ADCY5: variants seen among roughly 807,000 people sequenced by gnomAD.
ADCY5 encodes the protein adenylate cyclase 5.
A neutral mutation model predicts 119.7 loss-of-function variants in ADCY5; 30 were observed. The ratio of observed to expected loss-of-function variants is 0.25; its 90% confidence interval spans 0.19 to 0.34. The LOEUF is 0.34. Ranked by LOEUF, ADCY5 falls within the 10% of genes least tolerant of loss-of-function variation. ADCY5 has a pLI of 1.00. For missense variants in ADCY5, 1,324 were observed against 1,775.2 expected (o/e 0.75, Z 4.57); for synonymous variants, 753 against 762.2 (o/e 0.99, Z 0.20).
chr3:123,351,439 A>C (rs993706704), intron 2 of ADCY5, among the ~76,000 whole-genome samples: 1 of 152,212 alleles, frequency 6.6e-6, no homozygotes, highest in Non-Finnish European at 1.5e-5. Flanking sequence ...TTCCATGTTC[A>C]TATCAGCCAT....
intron 1 of ADCY5, among the ~76,000 whole-genome samples, chr3:123,379,803 C>T (rs1181992906): frequency 6.6e-6 from 1 of 152,186 alleles, no homozygotes; most frequent in Non-Finnish European, 1.5e-5. Flanking sequence ...GTGAACAGCA[C>T]AGACTCCAGC....
chr3:123,368,139 T>G, intron 1 of ADCY5: 2 of 1,104,354 alleles, frequency 1.8e-6, no homozygotes, highest in Non-Finnish European at 2.5e-6. Flanking sequence ...GAGCCAGTCA[T>G]GCAACCTACA....
intron 15 of ADCY5, 68 bp from the exon 16 acceptor site, chr3:123,297,450 C>T (rs1166831894): frequency 6.5e-7 from 1 of 1,530,238 alleles, no homozygotes; most frequent in East Asian, 2.2e-5. Context: ...CACTCCTGCT[C>T]AGCCCCCACG....
chr3:123,400,046 A>T (rs564273285), intron 1 of ADCY5, among the ~76,000 whole-genome samples: 1 of 152,222 alleles, frequency 6.6e-6, no homozygotes, highest in Admixed American at 6.5e-5. Context: ...CGCAGCAGTT[A>T]CATGTTCTCT....
intron 7 of ADCY5, 60 bp from the exon 8 acceptor site, chr3:123,325,522 C>T: frequency 5.6e-6 from 9 of 1,601,986 alleles, no homozygotes; most frequent in Non-Finnish European, 6.8e-6. Context: ...GCTCCTCACC[C>T]TTCCCCAAAC....
At chr3:123,427,326 C>T (rs1219022247) in intron 1 of ADCY5, among the ~76,000 whole-genome samples, 2 of 152,180 alleles carry the variant, frequency 1.3e-5, no homozygotes, top group African/African-American at 2.4e-5. Flanking sequence ...CTAGAAATCT[C>T]CTTTCCCTCC....
At chr3:123,437,446 C>T (rs1249940495) in intron 1 of ADCY5, among the ~76,000 whole-genome samples, 1 of 152,138 alleles carries the variant, frequency 6.6e-6, no homozygotes, top group African/African-American at 2.4e-5. Context: ...GGGCAGGGTG[C>T]TGAACCATCT....
rs372044853 is a variant in ADCY5 at position 123,343,198 on chromosome 3, CAGA to C, written c.1406+4581_1406+4583del. Among the ~76,000 whole-genome samples the C allele has an allele frequency of 7.2e-5, 11 of 152,300 alleles. No homozygotes were observed. The East Asian group carries it at 1.9e-3, about 27-fold the overall frequency. Reference sequence around the variant, plus strand: ...ATTCATTGCTTAGTGTCTTCTCTAACAGAAGATGAGCTTCATGATGCCAGTGAT... The same window carrying C: ...ATTCATTGCTTAGTGTCTTCTCTAACAGATGAGCTTCATGATGCCAGTGAT... On this transcript the variant is annotated intron_variant, in intron 3 of 20. Coordinates refer to ENST00000462833, the MANE Select transcript of ADCY5 (RefSeq NM_183357.3).
chr3:123,442,991 C>T (rs1303373775), intron 1 of ADCY5, among the ~76,000 whole-genome samples: 1 of 152,236 alleles, frequency 6.6e-6, no homozygotes, highest in Non-Finnish European at 1.5e-5. Flanking sequence ...CACTGAATTT[C>T]TCCTATCCAG....
chr3:123,297,862 A>G (rs1038777632), intron 15 of ADCY5, among the ~76,000 whole-genome samples: 1 of 152,192 alleles, frequency 6.6e-6, no homozygotes, highest in Non-Finnish European at 1.5e-5. Flanking sequence ...AAGGTAAAAT[A>G]TTTCATTAAG....
intron 1 of ADCY5, among the ~76,000 whole-genome samples, chr3:123,406,507 C>A (rs1206028939): frequency 6.6e-6 from 1 of 152,228 alleles, no homozygotes; most frequent in Non-Finnish European, 1.5e-5. Context: ...GCTCCCCAGG[C>A]AGTCACAGAG....
At chr3:123,409,847 T>G (rs1944997416) in intron 1 of ADCY5, among the ~76,000 whole-genome samples, 1 of 152,164 alleles carries the variant, frequency 6.6e-6, no homozygotes, top group South Asian at 2.1e-4. Flanking sequence ...CAAGCCCCAG[T>G]TGGATGAGCT....
intron 7 of ADCY5, among the ~76,000 whole-genome samples, chr3:123,325,685 G>A (rs1576576433): frequency 6.6e-6 from 1 of 152,240 alleles, no homozygotes; most frequent in Admixed American, 6.5e-5. Flanking sequence ...GCTCAGGTGG[G>A]AGTGGCAAAA....
At chr3:123,422,879 G>A (rs1181321301) in intron 1 of ADCY5, among the ~76,000 whole-genome samples, 11 of 152,188 alleles carry the variant, frequency 7.2e-5, no homozygotes, top group Admixed American at 5.2e-4. Context: ...TCTCAAGTAG[G>A]GGAGATACAG....
At chr3:123,393,160 CGA>C (rs1427014955) in intron 1 of ADCY5, among the ~76,000 whole-genome samples, 2 of 152,164 alleles carry the variant, frequency 1.3e-5, no homozygotes, top group African/African-American at 2.4e-5. Flanking sequence ...AGCCCGGGGT[CGA>C]GAGTGAGGCA....
intron 1 of ADCY5, among the ~76,000 whole-genome samples, chr3:123,433,345 G>T (rs866236088): frequency 6.6e-6 from 1 of 152,190 alleles, no homozygotes; most frequent in Non-Finnish European, 1.5e-5. Flanking sequence ...AGCCAGTCAA[G>T]GGGGCAGATG....
At chr3:123,343,532 G>T (rs1942382378) in intron 3 of ADCY5, among the ~76,000 whole-genome samples, 1 of 152,174 alleles carries the variant, frequency 6.6e-6, no homozygotes, top group African/African-American at 2.4e-5. Context: ...GTGAGCTGCT[G>T]ATGCCGAGGT....
intron 12 of ADCY5, among the ~76,000 whole-genome samples, chr3:123,311,628 G>C (rs193196178): frequency 6.6e-6 from 1 of 152,196 alleles, no homozygotes; most frequent in Non-Finnish European, 1.5e-5. Context: ...AGGAGGCGGC[G>C]GCAGGGATGG....
Position 123,290,992 on chromosome 3 carries a change from C to T in ADCY5, c.3327+121G>A, listed in dbSNP as rs902650277. The T allele has an allele frequency of 3.0e-6, 4 of 1,325,408 alleles. No individual in the cohort carries two copies. The African/African-American group carries it at 4.5e-5, about 15-fold the overall frequency. 82.1% of individuals were successfully genotyped at this position (1,325,408 alleles called of 1,614,324 possible). ...GTCAGGTTCCCGCCGGCAGAGCTCC[C>T]ATCATCACTGCTTATGTCACGATGG... is the stretch of plus-strand genomic sequence containing the variant. On this transcript the variant is annotated intron_variant, in intron 18 of 20. Transcript: ENST00000462833.
Sources: gnomAD v4.1 joint callset for allele counts (sites outside exome capture counted in the v4.1 genomes callset) on GRCh38, gnomAD v4.1.1 for gene constraint, MANE v1.5 for transcripts, NCBI Gene and HGNC (gene_info 2026-07-23, HGNC 2026-07-21) for gene names.